The following ZFPM2 variants were observed in gnomAD, a reference collection of about 807,000 sequenced individuals.
ZFPM2 encodes the protein zinc finger protein, FOG family member 2.
In ZFPM2, 20 loss-of-function variants were observed where a neutral mutation model predicts 98.6. That is an observed-to-expected ratio of 0.20 (90% CI 0.14 to 0.29). The LOEUF (loss-of-function observed/expected upper bound fraction) is 0.29, where lower values mean the gene tolerates loss of function less well. ZFPM2 is among the 10% of genes least tolerant of loss of function. The probability of loss-of-function intolerance (pLI) is 1.00; values close to 1 mark genes in which losing one functional copy is unlikely to be tolerated. For synonymous variants in ZFPM2, 518 were observed against 502.7 expected (o/e 1.03, Z -0.41); for missense variants, 1,310 against 1,388.6 (o/e 0.94, Z 0.90).
chr8:105,444,686 G>T lies in ZFPM2; in HGVS notation c.301+305G>T, dbSNP rs1393139175. 2.6e-5 allele frequency among the ~76,000 whole-genome samples: 4 copies of T among 151,720 alleles called. No individual in the cohort carries two copies. In the East Asian group the frequency reaches 7.7e-4, roughly 29 times the overall value. ...TTTAAGCTACATCCAAATTTAAATT[G>T]GGCACACTATTAAAGCTTACAAACA... On this transcript the variant is annotated intron_variant, in intron 3 of 7. Coordinates refer to ENST00000407775, the MANE Select transcript of ZFPM2 (RefSeq NM_012082.4).
intron 4 of ZFPM2, among the ~76,000 whole-genome samples, chr8:105,627,680 T>A (rs1336352483): frequency 6.6e-6 from 1 of 152,214 alleles, no homozygotes; most frequent in Non-Finnish European, 1.5e-5. Flanking sequence ...TTTCTCATAC[T>A]CCCTGACCAC....
chr8:105,746,654 AATTTTTTTTTTT>A (rs1812355554), intron 5 of ZFPM2, among the ~76,000 whole-genome samples: 2 of 112,018 alleles, frequency 1.8e-5, no homozygotes, highest in South Asian at 3.3e-4. Context: ...TGTTTTTAAA[AATTTTTTTTTTT>A]TTTTTTTTTT....
intron 4 of ZFPM2, among the ~76,000 whole-genome samples, chr8:105,569,209 T>C (rs921942344): frequency 2.0e-5 from 3 of 152,212 alleles, no homozygotes; most frequent in Admixed American, 2.0e-4. Flanking sequence ...ATGCTTATTA[T>C]CTATTTTTTA....
intron 5 of ZFPM2, among the ~76,000 whole-genome samples, chr8:105,741,188 C>G (rs1026526392): frequency 6.6e-6 from 1 of 152,058 alleles, no homozygotes; most frequent in Non-Finnish European, 1.5e-5. Flanking sequence ...CAAGAAGATA[C>G]TACGCCAAAT....
intron 1 of ZFPM2, among the ~76,000 whole-genome samples, chr8:105,333,705 A>C (rs985170768): frequency 3.3e-5 from 5 of 151,706 alleles, no homozygotes; most frequent in Admixed American, 6.6e-5. Flanking sequence ...TGGGTTAAAT[A>C]AAATTATGGT....
intron 5 of ZFPM2, among the ~76,000 whole-genome samples, chr8:105,757,521 T>G (rs1344716210): frequency 3.3e-5 from 5 of 152,162 alleles, no homozygotes; most frequent in Non-Finnish European, 5.9e-5. Flanking sequence ...ACAAAACGCG[T>G]AGTTATTATA....
At chr8:105,479,887 C>CCAATTTTT (rs1563677877) in intron 3 of ZFPM2, among the ~76,000 whole-genome samples, 1 of 151,920 alleles carries the variant, frequency 6.6e-6, no homozygotes, top group African/African-American at 2.4e-5. Flanking sequence ...TAAAATTCGA[C>CCAATTTTT]CAATTTTTCT....
At position 105,802,883 on chromosome 8, in the gene ZFPM2, C is replaced by T; in HGVS notation, c.2801C>T (p.Ser934Phe). 6.2e-7 allele frequency: 1 copy of T among 1,613,758 alleles called. No homozygotes were observed. Among genetic ancestry groups the T allele is most frequent in the Non-Finnish European group, 8.5e-7 (1 of 1,179,818 alleles). The change falls in exon 8 of 8, where the codon TCC (serine) becomes TTC (phenylalanine). Residue 934 changes from serine to phenylalanine, a missense_variant. Physicochemically the swap from Ser to Phe is radical, Grantham distance 155. Coordinates refer to ENST00000407775, the MANE Select transcript of ZFPM2 (RefSeq NM_012082.4). The part of the protein sequence containing the change: ...QPSPNGNLFS[S>F]HLATLQGLKV... ...TCCCCCAATGGAAACTTATTTTCAT[C>T]CCACCTAGCAACCCTGCAAGGCTTG...
intron 5 of ZFPM2, among the ~76,000 whole-genome samples, chr8:105,750,740 G>A (rs368794216): frequency 3.3e-5 from 5 of 152,004 alleles, no homozygotes; most frequent in South Asian, 2.1e-4. Context: ...GAGGAAAAAC[G>A]TTGGCAGAGC....
intron 5 of ZFPM2, among the ~76,000 whole-genome samples, chr8:105,683,361 GC>G (rs1211861627): frequency 6.6e-6 from 1 of 152,116 alleles, no homozygotes; most frequent in East Asian, 1.9e-4. Context: ...ACAGGAATTT[GC>G]TTTGCATTTA....
chr8:105,345,770 A>G (rs1171535495), intron 1 of ZFPM2, among the ~76,000 whole-genome samples: 3 of 152,096 alleles, frequency 2.0e-5, no homozygotes, highest in Non-Finnish European at 4.4e-5. Context: ...GATTGTTATA[A>G]TCCCAGAATG....
At chr8:105,589,675 C>T (rs558782361) in intron 4 of ZFPM2, among the ~76,000 whole-genome samples, 1 of 152,230 alleles carries the variant, frequency 6.6e-6, no homozygotes, top group South Asian at 2.1e-4. Context: ...CTACACTTTC[C>T]ACTGTGCCAG....
intron 5 of ZFPM2, among the ~76,000 whole-genome samples, chr8:105,736,549 G>T (rs1274428542): frequency 6.6e-6 from 1 of 151,934 alleles, no homozygotes; most frequent in African/African-American, 2.4e-5. Context: ...CTACAGTAGG[G>T]AATAAAATGC....
intron 3 of ZFPM2, among the ~76,000 whole-genome samples, chr8:105,538,105 G>A (rs1814496335): frequency 1.3e-5 from 2 of 152,040 alleles, no homozygotes; most frequent in African/African-American, 4.8e-5. Flanking sequence ...AATAGTTTTG[G>A]TAATGATATT....
At chr8:105,481,891 A>G (rs1813126741) in intron 3 of ZFPM2, among the ~76,000 whole-genome samples, 1 of 152,206 alleles carries the variant, frequency 6.6e-6, no homozygotes, top group Non-Finnish European at 1.5e-5. Flanking sequence ...CAGCAACAAC[A>G]GCAACTTATT....
At chr8:105,767,635 ATGATTT>A (rs1481665005) in intron 5 of ZFPM2, among the ~76,000 whole-genome samples, 1 of 151,942 alleles carries the variant, frequency 6.6e-6, no homozygotes, top group African/African-American at 2.4e-5. Context: ...TAAGTTGGAA[ATGATTT>A]TGATTAGAAA....
chr8:105,549,558 CCTTT>C (rs200575600), intron 3 of ZFPM2, among the ~76,000 whole-genome samples: 3,338 of 132,662 alleles, frequency 0.025, 208 homozygotes, highest in Non-Finnish European at 0.043. Flanking sequence ...TTCCTTCCTT[CCTTT>C]CTTCCTTCCA....
At position 105,444,363 on chromosome 8, in the gene ZFPM2, G is replaced by A; in HGVS notation, c.283G>A (p.Asp95Asn). 1.2e-6 allele frequency: 2 copies of A among 1,611,894 alleles called. No homozygotes were observed. The highest frequency in any genetic ancestry group is 1.7e-6 in the Non-Finnish European group (2 of 1,178,902). The change falls in exon 3 of 8, where the codon GAC becomes AAC. Residue 95 changes from aspartate to asparagine, a missense_variant. Coordinates refer to ENST00000407775, the MANE Select transcript of ZFPM2 (RefSeq NM_012082.4). ...EKPGQPGVET[D>N]DWDGPGELEV... is the part of the protein sequence containing the mutation. ...ACCGGGGCAACCTGGAGTTGAGACA[G>A]ACGACTGGGATGGACCAGGTAGGGG...
intron 3 of ZFPM2, among the ~76,000 whole-genome samples, chr8:105,452,782 C>T (rs750628886): frequency 5.3e-5 from 8 of 151,746 alleles, no homozygotes; most frequent in South Asian, 2.1e-4. Context: ...CAAAACAAAA[C>T]GACAAACAAA....
Sources: allele counts gnomAD v4.1 joint callset (sites outside exome capture counted in the v4.1 genomes callset), GRCh38; gene constraint gnomAD v4.1.1; transcripts MANE v1.5; gene names NCBI Gene and HGNC (gene_info 2026-07-23, HGNC 2026-07-21).